The following HHAT variants were observed in gnomAD, a reference collection of about 807,000 sequenced individuals.
HHAT encodes protein-cysteine N-palmitoyltransferase HHAT.
A neutral mutation model predicts 70.8 loss-of-function variants in HHAT; 47 were observed. That is an observed-to-expected ratio of 0.66 (90% confidence interval 0.53 to 0.85). The LOEUF is 0.85. Among genes scored for constraint, HHAT ranks in the 40% least tolerant of loss-of-function variants. The pLI is 0.00. For missense variants in HHAT, 609 were observed against 604.8 expected (o/e 1.01, Z -0.07); for synonymous variants, 228 against 247.6 (o/e 0.92, Z 0.74).
intron 9 of HHAT, among the ~76,000 whole-genome samples, chr1:210,586,431 T>C (rs992243688): frequency 6.6e-6 from 1 of 152,152 alleles, no homozygotes; most frequent in Admixed American, 6.6e-5. Context: ...CATCTAGAGA[T>C]GCTATCTCTA....
chr1:210,580,143 A>G (rs74367471), intron 9 of HHAT, among the ~76,000 whole-genome samples: 4,670 of 152,290 alleles, frequency 0.031, 119 homozygotes, highest in South Asian at 0.057. Context: ...AAGCTTATGT[A>G]CAGCATCTTT....
intron 1 of HHAT, among the ~76,000 whole-genome samples, chr1:210,343,188 G>T (rs1184202956): frequency 6.6e-6 from 1 of 152,108 alleles, no homozygotes; most frequent in Non-Finnish European, 1.5e-5. Flanking sequence ...TAGCAATAAC[G>T]TGAACCTGTG....
intron 7 of HHAT, among the ~76,000 whole-genome samples, chr1:210,441,587 C>A (rs2148359340): frequency 6.6e-6 from 1 of 152,210 alleles, no homozygotes; most frequent in African/African-American, 2.4e-5. Flanking sequence ...AAGGATAGCC[C>A]TATGGCTCAC....
At chr1:210,485,414 A>G (rs2094459439) in intron 8 of HHAT, among the ~76,000 whole-genome samples, 1 of 152,122 alleles carries the variant, frequency 6.6e-6, no homozygotes. Context: ...TATTTGCTTA[A>G]GAACAGGACC....
At chr1:210,389,287 C>A (rs1477647055) in intron 4 of HHAT, among the ~76,000 whole-genome samples, 1 of 152,160 alleles carries the variant, frequency 6.6e-6, no homozygotes, top group Non-Finnish European at 1.5e-5. Context: ...CTGGTGAGGG[C>A]CTTCTTGCTG....
At chr1:210,351,286 G>T (rs2086992913) in intron 2 of HHAT, among the ~76,000 whole-genome samples, 1 of 152,138 alleles carries the variant, frequency 6.6e-6, no homozygotes, top group African/African-American at 2.4e-5. Flanking sequence ...ACCCTCAATG[G>T]ATTGGATGGT....
chr1:210,459,654 AT>A (rs2093939939), intron 7 of HHAT, among the ~76,000 whole-genome samples: 1 of 152,174 alleles, frequency 6.6e-6, no homozygotes, highest in South Asian at 2.1e-4. Flanking sequence ...TCTCATTTGG[AT>A]GAAGACCACC....
chr1:210,489,827 G>C (rs2094524624), intron 8 of HHAT, among the ~76,000 whole-genome samples: 1 of 152,176 alleles, frequency 6.6e-6, no homozygotes, highest in African/African-American at 2.4e-5. Flanking sequence ...AGAATCTGCA[G>C]ATGCTCACCC....
chr1:210,351,360 C>G (rs750975967), intron 2 of HHAT, among the ~76,000 whole-genome samples: 33 of 152,220 alleles, frequency 2.2e-4, no homozygotes, highest in Non-Finnish European at 4.4e-4. Context: ...CATCAAGAAA[C>G]ACCCTCACAG....
At position 210,418,210 on chromosome 1, in the gene HHAT, G is replaced by T. The variant is rs751000967; in HGVS notation, c.741G>T (p.Gly247=). ...CCAGCCTGTGTGTCCTGGCCCTGGG[G>T]CTGGGCCGCCTTCTTTGCTGGTGGT... ...LKASLCVLAL[G]LGRLLCWWWL... is the part of the protein sequence containing the mutation. The change falls in exon 7 of 12, where the codon GGG becomes GGT. Residue 247 remains glycine, a synonymous_variant. Transcript: ENST00000261458. 2 of 1,614,024 alleles carry T rather than the reference G, an allele frequency of 1.2e-6. No individual in the cohort carries two copies. Among genetic ancestry groups the T allele is most frequent in the Non-Finnish European group, 8.5e-7 (1 of 1,180,014 alleles).
At chr1:210,328,310 G>A (rs1324132712), upstream of HHAT, 1 of 152,170 alleles carries the variant, frequency 6.6e-6, no homozygotes, top group Non-Finnish European at 1.5e-5. Context: ...ATACCCCGTT[G>A]GAGCATCTTC....
intron 1 of HHAT, among the ~76,000 whole-genome samples, chr1:210,344,053 C>T (rs1325116212): frequency 6.6e-6 from 1 of 152,156 alleles, no homozygotes; most frequent in East Asian, 1.9e-4. Flanking sequence ...CTGGGACTCT[C>T]CCTGCACCAG....
intron 3 of HHAT, among the ~76,000 whole-genome samples, chr1:210,378,700 T>C (rs1293424324): frequency 6.6e-6 from 1 of 152,230 alleles, no homozygotes; most frequent in Non-Finnish European, 1.5e-5. Flanking sequence ...ACATATCTTT[T>C]GGTTTTGAAA....
intron 9 of HHAT, among the ~76,000 whole-genome samples, chr1:210,533,951 C>A (rs1294593779): frequency 6.6e-6 from 1 of 152,238 alleles, no homozygotes; most frequent in Non-Finnish European, 1.5e-5. Flanking sequence ...AGAATACTCA[C>A]GGGTCCCCAA....
At chr1:210,492,305 T>C (rs2094564889) in intron 8 of HHAT, among the ~76,000 whole-genome samples, 1 of 152,194 alleles carries the variant, frequency 6.6e-6, no homozygotes, top group South Asian at 2.1e-4. Flanking sequence ...ACAATAATGG[T>C]CTGTTTACTT....
intron 8 of HHAT, among the ~76,000 whole-genome samples, chr1:210,467,363 T>C (rs1166167345): frequency 6.6e-6 from 1 of 152,196 alleles, no homozygotes; most frequent in African/African-American, 2.4e-5. Flanking sequence ...TAGGAGGAGG[T>C]TGACCATGTT....
chr1:210,490,102 A>C (rs938889349), intron 8 of HHAT, among the ~76,000 whole-genome samples: 26 of 152,238 alleles, frequency 1.7e-4, no homozygotes, highest in African/African-American at 6.3e-4. Flanking sequence ...TCTGTTAACC[A>C]GTATCATGTC....
chr1:210,375,247 T>A (rs1006686001), intron 3 of HHAT, among the ~76,000 whole-genome samples: 3 of 152,136 alleles, frequency 2.0e-5, no homozygotes, highest in Non-Finnish European at 2.9e-5. Context: ...TCATCTCTAA[T>A]CCCTGAAAAA....
At chr1:210,444,288 G>T (rs559844159) in intron 7 of HHAT, among the ~76,000 whole-genome samples, 2 of 124,966 alleles carry the variant, frequency 1.6e-5, no homozygotes, top group Non-Finnish European at 3.5e-5. Flanking sequence ...GTTCATCAAG[G>T]ATATTGGTCT....
Sources: allele counts gnomAD v4.1 joint callset (sites outside exome capture counted in the v4.1 genomes callset), GRCh38; gene constraint gnomAD v4.1.1; transcripts MANE v1.5; gene names NCBI Gene and HGNC (gene_info 2026-07-23, HGNC 2026-07-21).